PDGFD: variants seen among roughly 807,000 people sequenced by gnomAD.
PDGFD encodes platelet-derived growth factor D.
A neutral mutation model predicts 44.7 loss-of-function variants in PDGFD; 30 were observed. The observed-to-expected ratio is 0.67, with a 90% CI of 0.50 to 0.91. The LOEUF (loss-of-function observed/expected upper bound fraction) is 0.91, where lower values mean the gene tolerates loss of function less well. Among genes scored for constraint, PDGFD ranks in the 40% least tolerant of loss-of-function variants. The pLI, the probability that PDGFD is intolerant of heterozygous loss-of-function variation, is 0.00. For synonymous variants in PDGFD, 173 were observed against 168.4 expected (o/e 1.03, Z -0.21); for missense variants, 445 against 457.8 (o/e 0.97, Z 0.25).
At chr11:104,112,141 G>T (rs1861567537) in intron 1 of PDGFD, among the ~76,000 whole-genome samples, 1 of 152,118 alleles carries the variant, frequency 6.6e-6, no homozygotes, top group Non-Finnish European at 1.5e-5. Flanking sequence ...AATGTATGCA[G>T]AAATAGTAAG....
intron 5 of PDGFD, among the ~76,000 whole-genome samples, chr11:103,933,269 T>C (rs1449853849): frequency 6.6e-6 from 1 of 152,200 alleles, no homozygotes; most frequent in Non-Finnish European, 1.5e-5. Flanking sequence ...TTCTCAAGGT[T>C]CATAAGTTCA....
intron 1 of PDGFD, among the ~76,000 whole-genome samples, chr11:104,161,325 T>C (rs1194463796): frequency 6.6e-6 from 1 of 152,228 alleles, no homozygotes; most frequent in Non-Finnish European, 1.5e-5. Context: ...GATAGTCAAA[T>C]GAGCAAGAAT....
chr11:104,161,812 C>T (rs1318628975), intron 1 of PDGFD, among the ~76,000 whole-genome samples: 2 of 152,126 alleles, frequency 1.3e-5, no homozygotes, highest in Non-Finnish European at 2.9e-5. Context: ...AACTAACAAT[C>T]CATTATGAAT....
chr11:104,123,039 G>A (rs985414466), intron 1 of PDGFD, among the ~76,000 whole-genome samples: 1 of 151,972 alleles, frequency 6.6e-6, no homozygotes, highest in Admixed American at 6.6e-5. Flanking sequence ...AACCACTGGG[G>A]AGTTTGTTTT....
chr11:104,083,018 C>T (rs540095621), intron 1 of PDGFD, among the ~76,000 whole-genome samples: 8 of 152,194 alleles, frequency 5.3e-5, no homozygotes, highest in Admixed American at 1.3e-4. Context: ...AGGTTTACTG[C>T]GAAAATCTTC....
At chr11:104,103,462 G>GTATATATATA (rs58684985) in intron 1 of PDGFD, among the ~76,000 whole-genome samples, 1 of 133,260 alleles carries the variant, frequency 7.5e-6, no homozygotes, top group Non-Finnish European at 1.6e-5. Context: ...GTGTGTGTGT[G>GTATATATATA]TATATATATA....
At chr11:104,117,012 G>A (rs540823285) in intron 1 of PDGFD, among the ~76,000 whole-genome samples, 9 of 151,842 alleles carry the variant, frequency 5.9e-5, no homozygotes, top group South Asian at 2.1e-4. Flanking sequence ...GTGTGCAAAC[G>A]GACCAATATA....
intron 1 of PDGFD, among the ~76,000 whole-genome samples, chr11:104,055,717 A>G (rs1054307903): frequency 6.6e-6 from 1 of 152,172 alleles, no homozygotes; most frequent in Non-Finnish European, 1.5e-5. Flanking sequence ...TTGATGTGTT[A>G]TTTCCCCAGT....
chr11:103,945,020 C>A (rs192586728), intron 4 of PDGFD, among the ~76,000 whole-genome samples: 4 of 152,092 alleles, frequency 2.6e-5, no homozygotes, highest in Admixed American at 2.0e-4. Flanking sequence ...TCTGAACAAA[C>A]CTTTCCTGCC....
chr11:103,936,543 T>G (rs1480290547), intron 5 of PDGFD, among the ~76,000 whole-genome samples: 1 of 152,222 alleles, frequency 6.6e-6, no homozygotes, highest in African/African-American at 2.4e-5. Flanking sequence ...TATAAAACAT[T>G]TATTTCATTT....
intron 1 of PDGFD, among the ~76,000 whole-genome samples, chr11:104,007,442 TATC>T (rs1286481385): frequency 6.6e-6 from 1 of 152,228 alleles, no homozygotes; most frequent in Non-Finnish European, 1.5e-5. Flanking sequence ...TTTCTTCTCA[TATC>T]ATAATATTAT....
At chr11:103,910,549 G>A (rs563198657) in intron 6 of PDGFD, among the ~76,000 whole-genome samples, 74 of 152,292 alleles carry the variant, frequency 4.9e-4, no homozygotes, top group African/African-American at 1.4e-3. Context: ...TGTACCAGGA[G>A]GAATGGTGCA....
chr11:104,091,799 AAAATGATCTAATGTT>A (rs1861216012), intron 1 of PDGFD, among the ~76,000 whole-genome samples: 2 of 152,198 alleles, frequency 1.3e-5, no homozygotes, highest in African/African-American at 4.8e-5. Context: ...CCTCATTGCA[AAAATGATCTAATGTT>A]CAGGGACTTG....
chr11:104,160,298 C>G (rs907847872), intron 1 of PDGFD, among the ~76,000 whole-genome samples: 4 of 152,212 alleles, frequency 2.6e-5, no homozygotes, highest in Non-Finnish European at 4.4e-5. Flanking sequence ...ACCACCAACA[C>G]CTGTACTTTC....
At chr11:104,061,149 C>A (rs361257) in intron 1 of PDGFD, among the ~76,000 whole-genome samples, 2 of 151,744 alleles carry the variant, frequency 1.3e-5, no homozygotes, top group South Asian at 4.1e-4. Flanking sequence ...CTTTTTACAG[C>A]TAAATAATGG....
intron 1 of PDGFD, among the ~76,000 whole-genome samples, chr11:104,132,616 T>C (rs117746179): frequency 1.3e-3 from 195 of 152,234 alleles, no homozygotes; most frequent in Non-Finnish European, 1.9e-3. Flanking sequence ...AGAAAGGAAG[T>C]AGACTAATGA....
chr11:104,003,152 T>C (rs1191949603), intron 1 of PDGFD, among the ~76,000 whole-genome samples: 5 of 152,194 alleles, frequency 3.3e-5, no homozygotes, highest in Non-Finnish European at 5.9e-5. Context: ...CAAAAGGGAA[T>C]ATTAAGTGCT....
chr11:103,937,064 G>A (rs1591084078), intron 5 of PDGFD, among the ~76,000 whole-genome samples: 4 of 152,214 alleles, frequency 2.6e-5, no homozygotes, highest in Admixed American at 2.6e-4. Flanking sequence ...GGGCTCAAGC[G>A]ATCTGCCTAC....
At position 103,947,742 on chromosome 11, in the gene PDGFD, A is replaced by C. The variant is rs1400076327; in HGVS notation, c.511-18T>G. On this transcript the variant is annotated intron_variant, in intron 3 of 6. Transcript: ENST00000393158. The stretch of plus-strand genomic sequence containing the variant: ...AAATCTTCCTGGAAGGCAAAGAAAC[A>C]TCTGTGAGTCAGTCAAACCTCTGTT... 1 of 1,600,882 alleles carries C rather than the reference A, an allele frequency of 6.2e-7. No homozygotes were observed. The highest frequency in any genetic ancestry group is 8.6e-7 in the Non-Finnish European group (1 of 1,168,262).
Sources: allele counts gnomAD v4.1 joint callset (sites outside exome capture counted in the v4.1 genomes callset), GRCh38; gene constraint gnomAD v4.1.1; transcripts MANE v1.5; gene names NCBI Gene and HGNC (gene_info 2026-07-23, HGNC 2026-07-21).